Variants in FHOD3 observed in about 807,000 individuals in gnomAD.
The protein encoded by FHOD3 is formin homology 2 domain containing 3.
A neutral mutation model predicts 173.0 loss-of-function variants in FHOD3; 90 were observed. That is an observed-to-expected ratio of 0.52 (90% confidence interval 0.44 to 0.62). The LOEUF is 0.62. Ranked by LOEUF, FHOD3 falls within the 20% of genes least tolerant of loss-of-function variation. FHOD3 has a pLI of 0.00. For missense variants in FHOD3, 1,945 were observed against 2,034.7 expected (o/e 0.96, Z 0.85); for synonymous variants, 828 against 823.0 (o/e 1.01, Z -0.10).
At chr18:36,450,991 A>G (rs535058519) in intron 3 of FHOD3, among the ~76,000 whole-genome samples, 12 of 152,334 alleles carry the variant, frequency 7.9e-5, no homozygotes, top group African/African-American at 2.6e-4. Context: ...ATTGGTAATC[A>G]TGTCTGTTCG....
At chr18:36,751,865 A>G (rs2042415945) in intron 24 of FHOD3, among the ~76,000 whole-genome samples, 2 of 152,182 alleles carry the variant, frequency 1.3e-5, no homozygotes, top group African/African-American at 4.8e-5. Flanking sequence ...TGTGAAAGGC[A>G]CAGAGAGGGA....
In FHOD3 at chr18:36,633,063, G is replaced by A. The variant is rs918011354; in HGVS notation, c.1196+7314G>A. Among the ~76,000 whole-genome samples, 15 of 152,316 alleles carry A rather than the reference G, an allele frequency of 9.8e-5. No homozygotes were observed. In the South Asian group the frequency reaches 1.7e-3, roughly 17 times the overall value. On this transcript the variant is annotated intron_variant, in intron 10 of 28. Transcript: ENST00000590592. ...TCCCTTAGGTGGGCTGTCCGCATGC[G>A]CAGTGCCCTGCTGGCACTTGGGAGG...
chr18:36,762,038 G>A (rs1184289058), intron 27 of FHOD3, among the ~76,000 whole-genome samples: 2 of 152,058 alleles, frequency 1.3e-5, no homozygotes, highest in Non-Finnish European at 2.9e-5. Flanking sequence ...CAGAAAGGCA[G>A]CTAGAATCTG....
chr18:36,583,371 G>A (rs1330961991), intron 6 of FHOD3, among the ~76,000 whole-genome samples: 7 of 152,174 alleles, frequency 4.6e-5, no homozygotes, highest in African/African-American at 1.4e-4. Flanking sequence ...TGAAGAAGAC[G>A]TAAAACACTA....
At chr18:36,494,530 G>C (rs2054634983) in intron 3 of FHOD3, among the ~76,000 whole-genome samples, 1 of 152,134 alleles carries the variant, frequency 6.6e-6, no homozygotes, top group Non-Finnish European at 1.5e-5. Context: ...GGAAGCGGTG[G>C]GAGAAAAAAT....
intron 18 of FHOD3, among the ~76,000 whole-genome samples, chr18:36,716,815 T>C (rs535217077): frequency 3.2e-4 from 49 of 152,238 alleles, no homozygotes; most frequent in Admixed American, 1.4e-3. Flanking sequence ...GCAACTCTTA[T>C]GAGGAAATGA....
chr18:36,691,859 G>C (rs2038983723), intron 16 of FHOD3, among the ~76,000 whole-genome samples: 1 of 152,250 alleles, frequency 6.6e-6, no homozygotes, highest in Admixed American at 6.5e-5. Context: ...GGAAAGAACA[G>C]AGGATGGTAA....
At chr18:36,357,764 C>T (rs1693768281) in intron 2 of FHOD3, among the ~76,000 whole-genome samples, 3 of 152,176 alleles carry the variant, frequency 2.0e-5, no homozygotes, top group Admixed American at 2.0e-4. Context: ...CTTCATGGCT[C>T]ATTGATCAAA....
chr18:36,404,470 A>G (rs1321294782), intron 3 of FHOD3, among the ~76,000 whole-genome samples: 1 of 152,196 alleles, frequency 6.6e-6, no homozygotes, highest in Admixed American at 6.5e-5. Context: ...AAAGGAGGCA[A>G]GTTGTTGCTA....
chr18:36,735,368 C>T (rs2041578527), intron 20 of FHOD3, among the ~76,000 whole-genome samples: 1 of 152,152 alleles, frequency 6.6e-6, no homozygotes, highest in South Asian at 2.1e-4. Flanking sequence ...TGCCAGGGAA[C>T]CAGAATATCT....
chr18:36,430,523 A>T (rs1482142580), intron 3 of FHOD3, among the ~76,000 whole-genome samples: 1 of 152,224 alleles, frequency 6.6e-6, no homozygotes, highest in African/African-American at 2.4e-5. Flanking sequence ...AGCCAAACAA[A>T]TTTTTAAAAT....
At chr18:36,595,127 T>TCCTGAG (rs1463339716) in intron 7 of FHOD3, among the ~76,000 whole-genome samples, 1 of 152,146 alleles carries the variant, frequency 6.6e-6, no homozygotes, top group Admixed American at 6.5e-5. Context: ...AGAGGTCAGA[T>TCCTGAG]CCTGAGCTTG....
intron 10 of FHOD3, among the ~76,000 whole-genome samples, chr18:36,643,896 T>C (rs775527335): frequency 1.2e-4 from 19 of 152,218 alleles, no homozygotes; most frequent in Non-Finnish European, 1.9e-4. Context: ...TCTTAGAACA[T>C]ACTTTAACAT....
chr18:36,401,176 A>C (rs1369802976), intron 3 of FHOD3, among the ~76,000 whole-genome samples: 1 of 152,200 alleles, frequency 6.6e-6, no homozygotes, highest in Non-Finnish European at 1.5e-5. Context: ...CACTGGTATC[A>C]AAAGGTAGGG....
chr18:36,602,969 G>T (rs1269093994), intron 8 of FHOD3, among the ~76,000 whole-genome samples: 1 of 152,178 alleles, frequency 6.6e-6, no homozygotes, highest in African/African-American at 2.4e-5. Context: ...ATGTGAACAT[G>T]CAAAGAAGAC....
intron 5 of FHOD3, among the ~76,000 whole-genome samples, chr18:36,574,319 C>A (rs76517297): frequency 0.042 from 6,347 of 152,112 alleles, 336 homozygotes; most frequent in East Asian, 0.15. Flanking sequence ...GAAAACACTA[C>A]CTTATTATTA....
At chr18:36,327,880 AAT>A (rs1195559864) in intron 1 of FHOD3, among the ~76,000 whole-genome samples, 1 of 152,234 alleles carries the variant, frequency 6.6e-6, no homozygotes, top group Non-Finnish European at 1.5e-5. Context: ...CACCACAGGC[AAT>A]ACTTAAACCA....
At chr18:36,400,988 G>A (rs1431133556) in intron 3 of FHOD3, among the ~76,000 whole-genome samples, 1 of 152,174 alleles carries the variant, frequency 6.6e-6, no homozygotes, top group Admixed American at 6.5e-5. Context: ...GAAAGTGCAA[G>A]GCTGACCTGT....
intron 6 of FHOD3, among the ~76,000 whole-genome samples, chr18:36,581,174 A>G (rs1406069806): frequency 6.6e-6 from 1 of 152,266 alleles, no homozygotes; most frequent in Non-Finnish European, 1.5e-5. Context: ...CTTTCTATTT[A>G]CAAGAGCCAA....
Sources: gnomAD v4.1 joint callset for allele counts (sites outside exome capture counted in the v4.1 genomes callset) on GRCh38, gnomAD v4.1.1 for gene constraint, MANE v1.5 for transcripts, NCBI Gene and HGNC (gene_info 2026-07-23, HGNC 2026-07-21) for gene names.